The following MYO18B variants were observed in gnomAD, a reference collection of about 807,000 sequenced individuals.
The protein encoded by MYO18B is myosin XVIIIB, also known as unconventional myosin-XVIIIb.
MYO18B carries 204 observed loss-of-function variants against 273.0 expected under a neutral mutation model. That is an observed-to-expected ratio of 0.75 (90% confidence interval 0.67 to 0.84). The LOEUF is 0.84. Ranked by LOEUF, MYO18B falls within the 40% of genes least tolerant of loss-of-function variation. MYO18B has a pLI of 0.00. For synonymous variants in MYO18B, 1,330 were observed against 1,305.7 expected (o/e 1.02, Z -0.40); for missense variants, 3,212 against 3,287.6 (o/e 0.98, Z 0.56).
chr22:26,023,444 TC>T (rs1190578056), intron 42 of MYO18B, among the ~76,000 whole-genome samples: 3 of 151,590 alleles, frequency 2.0e-5, no homozygotes, highest in African/African-American at 7.3e-5. Flanking sequence ...ATGCCTTTTT[TC>T]CCCCCTATGT....
At chr22:25,844,872 G>C (rs1162957821) in intron 18 of MYO18B, among the ~76,000 whole-genome samples, 1 of 152,208 alleles carries the variant, frequency 6.6e-6, no homozygotes, top group African/African-American at 2.4e-5. Flanking sequence ...TTGAGTCTCA[G>C]CCCTGCCCTT....
chr22:25,787,259 C>T (rs1486467445), intron 11 of MYO18B, among the ~76,000 whole-genome samples: 1 of 111,190 alleles, frequency 9.0e-6, no homozygotes, highest in Non-Finnish European at 1.8e-5. Flanking sequence ...AGCCTGTGTG[C>T]GTGCAGGCGC....
At chr22:25,820,901 T>A (rs2089253545) in intron 12 of MYO18B, among the ~76,000 whole-genome samples, 1 of 152,210 alleles carries the variant, frequency 6.6e-6, no homozygotes, top group African/African-American at 2.4e-5. Context: ...TCTTTTTTTT[T>A]AGCTTCCACA....
intron 12 of MYO18B, among the ~76,000 whole-genome samples, chr22:25,816,442 C>T (rs1391379448): frequency 6.6e-6 from 1 of 152,134 alleles, no homozygotes; most frequent in Non-Finnish European, 1.5e-5. Flanking sequence ...GTTTGCTGCA[C>T]ACATCGACTT....
chr22:25,898,369 GT>G lies in MYO18B; in HGVS notation c.4732del (p.Cys1578AlafsTer15). 6.2e-7 allele frequency: 1 copy of G among 1,613,948 alleles called. No individual in the cohort carries two copies. Among genetic ancestry groups the G allele is most frequent in the Non-Finnish European group, 8.5e-7 (1 of 1,179,858 alleles). ...AGATGGCTCACCAACTGAAGAGGAAGTGCCACCATCTTACCTGTGACCTTGA... is the reference window on the plus strand; with the variant it reads ...AGATGGCTCACCAACTGAAGAGGAAGGCCACCATCTTACCTGTGACCTTGA... ...KKMAHQLKRK[C>X]HHLTCDLEDT... is the part of the protein sequence containing the mutation. On this transcript the variant is annotated frameshift_variant, in exon 29 of 44. Transcript: ENST00000335473. LOFTEE classifies it high-confidence loss of function.
At chr22:25,803,426 C>G (rs1190263269) in intron 12 of MYO18B, among the ~76,000 whole-genome samples, 1 of 151,716 alleles carries the variant, frequency 6.6e-6, no homozygotes, top group Non-Finnish European at 1.5e-5. Context: ...TTTATTCTTC[C>G]TGAGAGCTGG....
At chr22:25,838,131 G>A (rs1470479909) in intron 17 of MYO18B, among the ~76,000 whole-genome samples, 2 of 148,782 alleles carry the variant, frequency 1.3e-5, no homozygotes, top group Non-Finnish European at 3.0e-5. Context: ...TTTAATATAT[G>A]CCTATATATT....
rs1309849427 is a variant in MYO18B, at chr22:25,768,891, G to T, written c.975G>T (p.Arg325Ser). ...AGTGGGGAGGTTTCCTGGGAAGAAG[G>T]AGTAAGTGGGACGGTCCCCAGAATA... ...GRKWGGFLGR[R>S]SKWDGPQNKK... is the part of the protein sequence containing the mutation. The change falls in exon 4 of 44, where the codon AGG becomes AGT. Residue 325 changes from arginine (R) to serine (S), a missense_variant. Coordinates refer to ENST00000335473, the MANE Select transcript of MYO18B (RefSeq NM_032608.7). 4 of 1,612,964 alleles carry T rather than the reference G, an allele frequency of 2.5e-6. No individual in the cohort carries two copies. The highest frequency in any genetic ancestry group is 8.5e-7 in the Non-Finnish European group (1 of 1,179,548).
chr22:25,843,531 TTAAGAAAGC>T (rs2145995779), intron 17 of MYO18B, among the ~76,000 whole-genome samples, 195 bp from the exon 18 acceptor site: 1 of 152,236 alleles, frequency 6.6e-6, no homozygotes, highest in East Asian at 1.9e-4. Flanking sequence ...TGTCCTAGAT[TTAAGAAAGC>T]AAGAAAGAAT....
At chr22:25,777,024 G>A (rs1260742411) in intron 7 of MYO18B, among the ~76,000 whole-genome samples, 1 of 152,126 alleles carries the variant, frequency 6.6e-6, no homozygotes, top group Non-Finnish European at 1.5e-5. Context: ...TATCCATTTT[G>A]TGTTATGCTG....
At chr22:25,875,514 C>CA (rs373214380) in intron 23 of MYO18B, among the ~76,000 whole-genome samples, 11 of 151,434 alleles carry the variant, frequency 7.3e-5, no homozygotes, top group East Asian at 2.0e-4. Context: ...GTCCCCCCCC[C>CA]AGTGATAAGA....
intron 20 of MYO18B, among the ~76,000 whole-genome samples, chr22:25,849,500 C>T (rs192882571): frequency 1.2e-3 from 183 of 152,246 alleles, no homozygotes; most frequent in Non-Finnish European, 2.2e-3. Flanking sequence ...TATACACATG[C>T]ATGTGTGATG....
chr22:25,902,805 C>G (rs1042895909), intron 30 of MYO18B, 69 bp downstream of exon 30: 10 of 1,499,950 alleles, frequency 6.7e-6, no homozygotes, highest in Admixed American at 2.1e-5. Context: ...GCATCGTGCA[C>G]CTGCTGCAAA....
At chr22:25,961,613 C>T (rs1456359650) in intron 39 of MYO18B, among the ~76,000 whole-genome samples, 1 of 152,134 alleles carries the variant, frequency 6.6e-6, no homozygotes, top group Non-Finnish European at 1.5e-5. Flanking sequence ...GATGTATATC[C>T]TGTTGTTTTT....
chr22:26,036,469 A>G, the MYO18B span, among the ~76,000 whole-genome samples: 1 of 152,156 alleles, frequency 6.6e-6, no homozygotes. Context: ...CTATATGTGC[A>G]AGGAGAAATA....
At chr22:25,838,725 G>A (rs1053523578) in intron 17 of MYO18B, among the ~76,000 whole-genome samples, 6 of 152,122 alleles carry the variant, frequency 3.9e-5, no homozygotes, top group Admixed American at 2.0e-4. Flanking sequence ...TCTAGGTTGG[G>A]GTTAGCATGC....
At position 25,891,387 on chromosome 22, in the gene MYO18B, C is replaced by T. The variant is rs965367647; in HGVS notation, c.4518C>T (p.Asp1506=). Residue 1506 remains aspartate (D), a synonymous_variant, in exon 27 of 44, where the codon GAC becomes GAT. Coordinates refer to ENST00000335473, the MANE Select transcript of MYO18B (RefSeq NM_032608.7). ...CCCAGCAGAAAATTCAGTTGAATGA[C>T]TTGGAAAGGAATCCCACTGGAGGAG... ...EEAQQKIQLN[D]LERNPTGGAD... 6.3e-7 allele frequency: 1 copy of T among 1,583,584 alleles called. No homozygotes were observed. The highest frequency in any genetic ancestry group is 1.2e-5 in the South Asian group (1 of 86,014).
chr22:25,790,215 G>A (rs1279680244), intron 11 of MYO18B, among the ~76,000 whole-genome samples: 5 of 152,254 alleles, frequency 3.3e-5, no homozygotes, highest in African/African-American at 9.6e-5. Context: ...TGGAGGGGAC[G>A]TGGTTCACCG....
chr22:26,059,725 C>A, the MYO18B span, among the ~76,000 whole-genome samples: 2 of 152,226 alleles, frequency 1.3e-5, no homozygotes, highest in African/African-American at 4.8e-5. Flanking sequence ...CACAATTCCA[C>A]AGACAGAATT....
Sources: gnomAD v4.1 joint callset for allele counts (sites outside exome capture counted in the v4.1 genomes callset) on GRCh38, gnomAD v4.1.1 for gene constraint, MANE v1.5 for transcripts, NCBI Gene and HGNC (gene_info 2026-07-23, HGNC 2026-07-21) for gene names.